Variants in CDH18 observed in about 807,000 individuals in gnomAD.
CDH18 encodes the protein cadherin-18.
Under a neutral mutation model 67.9 loss-of-function variants are expected in CDH18, and 31 were observed. That is an observed-to-expected ratio of 0.46 (90% CI 0.34 to 0.62). The LOEUF (loss-of-function observed/expected upper bound fraction) is 0.62. CDH18 is among the 20% of genes least tolerant of loss of function. CDH18 has a pLI of 0.01. For synonymous variants in CDH18, 362 were observed against 347.2 expected, an observed-to-expected ratio of 1.04 and a Z score of -0.48; for missense variants, 890 against 975.5, an observed-to-expected ratio of 0.91 and a Z score of 1.17.
intron 2 of CDH18, among the ~76,000 whole-genome samples, chr5:19,905,211 A>C (rs1340772736): frequency 6.6e-6 from 1 of 152,110 alleles, no homozygotes; most frequent in Non-Finnish European, 1.5e-5. Flanking sequence ...ATAATGGCCA[A>C]GTTCTGCAAT....
intron 2 of CDH18, among the ~76,000 whole-genome samples, chr5:19,843,455 A>T (rs1156682601): frequency 6.6e-6 from 1 of 151,998 alleles, no homozygotes; most frequent in South Asian, 2.1e-4. Context: ...AACTCCACCT[A>T]GATTTCAGAG....
At chr5:19,981,758 C>T (rs1371131710) in intron 1 of CDH18, among the ~76,000 whole-genome samples, 4 of 152,138 alleles carry the variant, frequency 2.6e-5, no homozygotes, top group African/African-American at 9.7e-5. Flanking sequence ...TGCTCCTTCC[C>T]TAGGGCTTTT....
chr5:20,145,911 A>G (rs2126544186), intron 2 of CDH18, among the ~76,000 whole-genome samples: 1 of 152,290 alleles, frequency 6.6e-6, no homozygotes, highest in East Asian at 1.9e-4. Context: ...CTCTAAGGAC[A>G]AAGTCTCAAA....
intron 3 of CDH18, among the ~76,000 whole-genome samples, chr5:19,748,298 T>C (rs763803513): frequency 6.6e-6 from 1 of 151,834 alleles, no homozygotes; most frequent in Non-Finnish European, 1.5e-5. Flanking sequence ...TATCAAATAT[T>C]ATTTGAATAG....
intron 2 of CDH18, among the ~76,000 whole-genome samples, chr5:20,009,192 G>A (rs1031427103): frequency 8.6e-5 from 13 of 152,036 alleles, no homozygotes; most frequent in African/African-American, 4.8e-5. Flanking sequence ...AAGGAAAGCC[G>A]ATGGGAGAAA....
intron 1 of CDH18, among the ~76,000 whole-genome samples, chr5:20,489,969 A>G (rs909235131): frequency 2.9e-4 from 44 of 151,756 alleles, no homozygotes; most frequent in African/African-American, 1.1e-3. Context: ...TACATATACA[A>G]ACTAGAAAGA....
intron 2 of CDH18, among the ~76,000 whole-genome samples, chr5:19,921,031 A>C (rs1792382681): frequency 6.6e-6 from 1 of 152,078 alleles, no homozygotes; most frequent in Non-Finnish European, 1.5e-5. Flanking sequence ...ATGTACAAAA[A>C]AATAAAATTA....
intron 4 of CDH18, among the ~76,000 whole-genome samples, chr5:19,743,948 A>G (rs1053641594): frequency 2.3e-5 from 3 of 131,820 alleles, no homozygotes; most frequent in Non-Finnish European, 3.4e-5. Context: ...AAAAAAAAAA[A>G]AAATCAGAGT....
chr5:19,693,435 C>T (rs1365107731), intron 5 of CDH18, among the ~76,000 whole-genome samples: 1 of 152,180 alleles, frequency 6.6e-6, no homozygotes, highest in Non-Finnish European at 1.5e-5. Context: ...TTGGACATTT[C>T]TAATTGGGAA....
At chr5:19,477,747 T>G (rs906055973) in intron 12 of CDH18, among the ~76,000 whole-genome samples, 1 of 152,078 alleles carries the variant, frequency 6.6e-6, no homozygotes, top group Non-Finnish European at 1.5e-5. Flanking sequence ...ATTGGCAAGG[T>G]ACCTCTTCTT....
intron 1 of CDH18, among the ~76,000 whole-genome samples, chr5:20,522,215 GATCTT>G (rs1755785987): frequency 1.7e-5 from 1 of 57,922 alleles, no homozygotes; most frequent in Non-Finnish European, 5.4e-5. Context: ...CTGACACTTT[GATCTT>G]GAACTCCTAG....
chr5:19,690,173 GAAATCAATC>G (rs1761674340), intron 5 of CDH18, among the ~76,000 whole-genome samples: 1 of 151,206 alleles, frequency 6.6e-6, no homozygotes, highest in African/African-American at 2.4e-5. Context: ...CAAATGCATG[GAAATCAATC>G]AACTTGGTCC....
intron 4 of CDH18, among the ~76,000 whole-genome samples, chr5:19,734,210 A>G (rs952369474): frequency 5.9e-5 from 9 of 152,238 alleles, no homozygotes; most frequent in African/African-American, 2.2e-4. Flanking sequence ...AAAGAGAAAT[A>G]GCACATTATC....
intron 5 of CDH18, among the ~76,000 whole-genome samples, chr5:19,708,165 C>T (rs2150513527): frequency 6.6e-6 from 1 of 152,300 alleles, no homozygotes; most frequent in Admixed American, 6.5e-5. Flanking sequence ...ACTCTACAAA[C>T]TTGCCTTTGG....
intron 1 of CDH18, among the ~76,000 whole-genome samples, chr5:20,490,182 C>A (rs1382870358): frequency 2.0e-5 from 3 of 151,886 alleles, no homozygotes; most frequent in Non-Finnish European, 4.4e-5. Flanking sequence ...GTACTCCCAC[C>A]ATGCATTCGG....
At chr5:19,577,722 G>A (rs974751830) in intron 7 of CDH18, among the ~76,000 whole-genome samples, 1 of 152,146 alleles carries the variant, frequency 6.6e-6, no homozygotes. Context: ...GTTGGGATGG[G>A]GTAAACACTA....
intron 1 of CDH18, among the ~76,000 whole-genome samples, chr5:20,516,719 A>G (rs969259661): frequency 2.2e-4 from 34 of 151,918 alleles, no homozygotes; most frequent in African/African-American, 7.7e-4. Context: ...CTGATATGGA[A>G]TGCCTAAGAC....
intron 2 of CDH18, among the ~76,000 whole-genome samples, chr5:20,238,849 C>T: frequency 6.6e-6 from 1 of 152,024 alleles, no homozygotes; most frequent in East Asian, 1.9e-4. Context: ...CATATAAAGG[C>T]TATGAATATT....
chr5:20,107,288 A>T (rs1747039997), intron 2 of CDH18, among the ~76,000 whole-genome samples: 1 of 151,934 alleles, frequency 6.6e-6, no homozygotes, highest in South Asian at 2.1e-4. Flanking sequence ...GTTAGCCAGG[A>T]TGGTGTCGAT....
Sources: allele counts gnomAD v4.1 joint callset (sites outside exome capture counted in the v4.1 genomes callset), GRCh38; gene constraint gnomAD v4.1.1; transcripts MANE v1.5; gene names NCBI Gene and HGNC (gene_info 2026-07-23, HGNC 2026-07-21).